Variants in ZMPSTE24 observed in about 807,000 individuals in gnomAD.
The protein encoded by ZMPSTE24 is CAAX prenyl protease 1 homolog.
In ZMPSTE24, 48 loss-of-function variants were observed where a neutral mutation model predicts 56.7. The ratio of observed to expected loss-of-function variants is 0.85; its 90% CI spans 0.67 to 1.08. The LOEUF is 1.08. Ranked by LOEUF, ZMPSTE24 falls within the 50% of genes least tolerant of loss-of-function variation. The pLI is 0.00. For synonymous variants in ZMPSTE24, 172 were observed against 195.2 expected, an observed-to-expected ratio of 0.88 and a Z score of 0.99; for missense variants, 503 against 548.7, an observed-to-expected ratio of 0.92 and a Z score of 0.83.
intron 7 of ZMPSTE24, among the ~76,000 whole-genome samples, chr1:40,281,894 A>G (rs1304670111): frequency 6.6e-6 from 1 of 152,202 alleles, no homozygotes; most frequent in African/African-American, 2.4e-5. Flanking sequence ...TAAAGAGAAG[A>G]TAAACATCTA....
rs547750007 is a variant in ZMPSTE24, at chr1:40,267,657, A to G, written c.271-129A>G. ...AGTGCTGGGATTACAGGCATGAGCC[A>G]CCGTACTGGCCTCTTTTGTTTTTTT... is the stretch of plus-strand genomic sequence containing the variant. On this transcript the variant is annotated intron_variant, in intron 2 of 9. Coordinates refer to ENST00000372759, the MANE Select transcript of ZMPSTE24 (RefSeq NM_005857.5). 8.0e-4 allele frequency: 555 copies of G among 690,392 alleles called. 7 individuals carry two copies. The African/African-American group carries it at 8.9e-3, about 11-fold the overall frequency. The allele number at this position is 690,392 out of a possible 1,614,324, so 42.8% of individuals were successfully genotyped here.
chr1:40,278,557 C>CAAAAAAAAAAAAAAAAAAA (rs397979953), intron 6 of ZMPSTE24, among the ~76,000 whole-genome samples: 3 of 19,542 alleles, frequency 1.5e-4, no homozygotes, highest in Admixed American at 7.6e-4. Flanking sequence ...GACTCCGTCT[C>CAAAAAAAAAAAAAAAAAAA]AAAAAAAAAA....
chr1:40,259,351 G>T (rs917187637), intron 1 of ZMPSTE24: 1 of 151,930 alleles, frequency 6.6e-6, no homozygotes, highest in African/African-American at 2.4e-5. Context: ...TAATTTTAGA[G>T]TCTAGCTCTG....
intron 1 of ZMPSTE24, among the ~76,000 whole-genome samples, 184 bp downstream of exon 1, chr1:40,258,578 A>G (rs967013657): frequency 1.1e-4 from 16 of 152,106 alleles, no homozygotes; most frequent in African/African-American, 3.4e-4. Context: ...TGGTGCGTCA[A>G]GGAAGTTTTC....
At chr1:40,284,000 G>A (rs144332047) in intron 7 of ZMPSTE24, among the ~76,000 whole-genome samples, 71 of 147,672 alleles carry the variant, frequency 4.8e-4, no homozygotes, top group African/African-American at 1.7e-3. Flanking sequence ...GTGCAGTGGC[G>A]CGATCTCAGC....
intron 8 of ZMPSTE24, among the ~76,000 whole-genome samples, chr1:40,286,431 T>A (rs184109187): frequency 4.3e-4 from 66 of 152,148 alleles, no homozygotes; most frequent in African/African-American, 1.2e-3. Flanking sequence ...ATTAAAAAAA[T>A]TTTTTTTGAG....
rs1557783944 is a variant in ZMPSTE24, at chr1:40,292,452, C to CT, written c.1216dup (p.Cys406LeufsTer10). 1.2e-6 allele frequency: 2 copies of CT among 1,613,756 alleles called. No homozygotes were observed. Among genetic ancestry groups the CT allele is most frequent in the Admixed American group, 3.3e-5 (2 of 59,994 alleles). On this transcript the variant is annotated frameshift_variant, in exon 10 of 10. Coordinates refer to ENST00000372759, the MANE Select transcript of ZMPSTE24 (RefSeq NM_005857.5). LOFTEE classifies it high-confidence loss of function. ...TTTCATTTTCTTTTTCAGGTTCTTT[C>CT]TTTTTGCCTAACAGTCCTAAGCCGC...
chr1:40,275,265 C>CA (rs869166476), intron 6 of ZMPSTE24, among the ~76,000 whole-genome samples: 3,953 of 38,678 alleles, frequency 0.1, 131 homozygotes, highest in South Asian at 0.14. Context: ...ACTAAAAATA[C>CA]AAAAAAAAAA....
intron 9 of ZMPSTE24, among the ~76,000 whole-genome samples, chr1:40,291,430 G>A (rs1643843329): frequency 6.6e-6 from 1 of 152,104 alleles, no homozygotes. Flanking sequence ...ATAGCCTGAG[G>A]GATCCACCCA....
At chr1:40,260,792 G>C in intron 1 of ZMPSTE24, 47 bp from the exon 2 acceptor site, 1 of 1,583,360 alleles carries the variant, frequency 6.3e-7, no homozygotes, top group South Asian at 1.1e-5. Flanking sequence ...AATGACTATT[G>C]TAATAAACAA....
chr1:40,275,546 G>T (rs549312861), intron 6 of ZMPSTE24, among the ~76,000 whole-genome samples: 5 of 150,790 alleles, frequency 3.3e-5, no homozygotes, highest in Non-Finnish European at 5.9e-5. Context: ...GAGGTCAAGA[G>T]TTCGAGACCA....
At chr1:40,286,143 G>A in intron 8 of ZMPSTE24, 114 bp downstream of exon 8, 3 of 919,150 alleles carry the variant, frequency 3.3e-6, no homozygotes, top group Non-Finnish European at 5.2e-6. Context: ...CAGGCTACCT[G>A]GTTTCCTATC....
Position 40,269,955 on chromosome 1 carries a change from G to T in ZMPSTE24, c.475-20G>T, listed in dbSNP as rs376756198. ...AGAACCAGTTTCTCAGTTTCTTGTG[G>T]TAATGTTTTCTTTTTGCAGACTTTG... On this transcript the variant is annotated intron_variant, in intron 4 of 9. Transcript: ENST00000372759. 6.3e-7 allele frequency: 1 copy of T among 1,598,702 alleles called. No homozygotes were observed. Among genetic ancestry groups the T allele is most frequent in the Non-Finnish European group, 8.5e-7 (1 of 1,175,648 alleles).
rs370448065 is a variant in ZMPSTE24, at chr1:40,287,224, G to T, written c.1059+1195G>T. Among the ~76,000 whole-genome samples the T allele has an allele frequency of 7.9e-5, 12 of 151,304 alleles. 1 individual carries two copies. Among genetic ancestry groups the T allele is most frequent in the East Asian group, 4.0e-4 (2 of 4,996 alleles). Reference sequence around the variant, plus strand: ...TGAGACCACAGGTGCATGCCACCGCGCCCGGCTAATTTTTTTGTATTTTTG... The same window carrying T: ...TGAGACCACAGGTGCATGCCACCGCTCCCGGCTAATTTTTTTGTATTTTTG... On this transcript the variant is annotated intron_variant, in intron 8 of 9. Transcript: ENST00000372759.
chr1:40,271,079 G>T (rs1468983079), intron 5 of ZMPSTE24, among the ~76,000 whole-genome samples: 1 of 152,170 alleles, frequency 6.6e-6, no homozygotes, highest in African/African-American at 2.4e-5. Context: ...TAGAGATAGG[G>T]CCTCCCTGTG....
In ZMPSTE24 at chr1:40,269,901, GTATT is replaced by G. The variant is rs1643596255; in HGVS notation, c.475-66_475-63del. 52 of 1,531,252 alleles carry G rather than the reference GTATT, an allele frequency of 3.4e-5. No homozygotes were observed. The South Asian group carries it at 4.8e-4, about 14-fold the overall frequency. The allele number at this position is 1,531,252 out of a possible 1,614,324, so 94.9% of individuals were successfully genotyped here. ...AAATTGCTTTAATAATGTATCCTTT[GTATT>G]TATTTATCAGTTATTTTAAAAAGCA... On this transcript the variant is annotated intron_variant, in intron 4 of 9. Coordinates refer to ENST00000372759, the MANE Select transcript of ZMPSTE24 (RefSeq NM_005857.5).
rs545316294 is a variant in ZMPSTE24, at chr1:40,275,338, G to A, written c.769+3303G>A. ...AGTCCCAGCTACTTGGGAGACTAAG[G>A]CAGGAGAATTGCTTGAACCCAGGAG... On this transcript the variant is annotated intron_variant, in intron 6 of 9. Transcript: ENST00000372759. Among the ~76,000 whole-genome samples the A allele has an allele frequency of 3.3e-5, 5 of 151,574 alleles. No individual in the cohort carries two copies. In the East Asian group the frequency reaches 9.7e-4, roughly 29 times the overall value.
intron 2 of ZMPSTE24, among the ~76,000 whole-genome samples, chr1:40,263,914 G>A (rs2124577745): frequency 6.6e-6 from 1 of 152,224 alleles, no homozygotes; most frequent in Middle Eastern, 3.4e-3. Flanking sequence ...GCCCACTGAA[G>A]AAATGGAATG....
At position 40,260,846 on chromosome 1, in the gene ZMPSTE24, T is replaced by TA; in HGVS notation, c.132dup (p.Tyr45IlefsTer2). 6.2e-7 allele frequency: 1 copy of TA among 1,613,662 alleles called. No homozygotes were observed. Among genetic ancestry groups the TA allele is most frequent in the Non-Finnish European group, 8.5e-7 (1 of 1,179,680 alleles). ...TTCTTTAAAATATTTCAGAGAAGGA[T>TA]ATATAAAACAACAACTCATGTACCA... is the stretch of plus-strand genomic sequence containing the variant. On this transcript the variant is annotated frameshift_variant, in exon 2 of 10. Transcript: ENST00000372759. LOFTEE classifies it high-confidence loss of function.
Sources: gnomAD v4.1 joint callset for allele counts (sites outside exome capture counted in the v4.1 genomes callset) on GRCh38, gnomAD v4.1.1 for gene constraint, MANE v1.5 for transcripts, NCBI Gene and HGNC (gene_info 2026-07-23, HGNC 2026-07-21) for gene names.